GRIP1: variants seen among roughly 807,000 people sequenced by gnomAD.
The protein encoded by GRIP1 is glutamate receptor-interacting protein 1.
A neutral mutation model predicts 129.9 loss-of-function variants in GRIP1; 45 were observed. That is an observed-to-expected ratio of 0.35 (90% CI 0.27 to 0.44). The LOEUF (loss-of-function observed/expected upper bound fraction) is 0.44, where lower values mean the gene tolerates loss of function less well. GRIP1 is among the 20% of genes least tolerant of loss of function. The pLI, the probability that GRIP1 is intolerant of heterozygous loss-of-function variation, is 1.00. For missense variants in GRIP1, 1,196 were observed against 1,396.8 expected, an observed-to-expected ratio of 0.86 and a Z score of 2.29; for synonymous variants, 530 against 520.8, an observed-to-expected ratio of 1.02 and a Z score of -0.24.
intron 1 of GRIP1, among the ~76,000 whole-genome samples, chr12:66,737,922 G>C (rs145882378): frequency 3.6e-4 from 55 of 152,274 alleles, no homozygotes; most frequent in Middle Eastern, 6.8e-3. Context: ...GCACTGAAAA[G>C]AGAAAGGGCA....
chr12:66,703,717 C>A (rs2035430895), intron 1 of GRIP1, among the ~76,000 whole-genome samples: 1 of 152,078 alleles, frequency 6.6e-6, no homozygotes, highest in Non-Finnish European at 1.5e-5. Context: ...CAAGGAGAAG[C>A]AGCCAAAACA....
chr12:66,803,520 A>G (rs956833877), intron 1 of GRIP1, among the ~76,000 whole-genome samples: 5 of 152,228 alleles, frequency 3.3e-5, no homozygotes, highest in Non-Finnish European at 7.3e-5. Flanking sequence ...CTGACAGCAA[A>G]TAAGAATTAA....
chr12:66,401,607 TATACAC>T (rs1465730204), intron 16 of GRIP1, among the ~76,000 whole-genome samples: 7 of 121,342 alleles, frequency 5.8e-5, no homozygotes, highest in African/African-American at 2.5e-4. Flanking sequence ...TGTATATATA[TATACAC>T]ACACACACAC....
At chr12:67,044,375 A>C (rs1184935308) in intron 1 of GRIP1, among the ~76,000 whole-genome samples, 3 of 152,214 alleles carry the variant, frequency 2.0e-5, no homozygotes, top group African/African-American at 7.2e-5. Flanking sequence ...AGCTGCTTGG[A>C]TTTACCAGTT....
intron 1 of GRIP1, among the ~76,000 whole-genome samples, chr12:66,981,371 TC>T (rs1176576604): frequency 6.6e-6 from 1 of 152,222 alleles, no homozygotes; most frequent in Non-Finnish European, 1.5e-5. Flanking sequence ...TACATCTGTC[TC>T]CCTCAGAGCA....
intron 4 of GRIP1, among the ~76,000 whole-genome samples, chr12:66,538,313 C>T (rs2061668691): frequency 6.6e-6 from 1 of 152,032 alleles, no homozygotes; most frequent in Non-Finnish European, 1.5e-5. Context: ...AATCCTTCTG[C>T]CTCAGCCTCC....
intron 1 of GRIP1, among the ~76,000 whole-genome samples, chr12:66,714,364 T>C (rs2035802975): frequency 6.6e-6 from 1 of 152,078 alleles, no homozygotes; most frequent in Non-Finnish European, 1.5e-5. Context: ...CTATAAGAGT[T>C]AATGGAAATG....
chr12:66,407,469 G>T (rs926008573), intron 15 of GRIP1: 3 of 152,338 alleles, frequency 2.0e-5, no homozygotes, highest in Non-Finnish European at 4.4e-5. Context: ...TTGAACTGAT[G>T]ATGCCGGCCC....
intron 2 of GRIP1, among the ~76,000 whole-genome samples, chr12:66,565,651 A>T (rs1265076321): frequency 4.6e-5 from 7 of 152,124 alleles, no homozygotes; most frequent in Non-Finnish European, 7.4e-5. Context: ...TTTTTTTCCA[A>T]TTCTGTGAAG....
intron 1 of GRIP1, among the ~76,000 whole-genome samples, chr12:66,616,366 A>G (rs2065039021): frequency 6.6e-6 from 1 of 152,192 alleles, no homozygotes; most frequent in Non-Finnish European, 1.5e-5. Flanking sequence ...TTTTATAATT[A>G]TAGGCTGTTT....
chr12:66,923,422 G>C (rs1239347247), intron 1 of GRIP1, among the ~76,000 whole-genome samples: 1 of 152,186 alleles, frequency 6.6e-6, no homozygotes, highest in Non-Finnish European at 1.5e-5. Flanking sequence ...ATAGTCCAGA[G>C]CATCAACTGA....
intron 2 of GRIP1, among the ~76,000 whole-genome samples, chr12:66,588,976 CA>C (rs71278230): frequency 4.8e-4 from 65 of 135,354 alleles, no homozygotes; most frequent in African/African-American, 5.1e-4. Flanking sequence ...CCCCCTCCTA[CA>C]AAAAAAAAAA....
intron 7 of GRIP1, among the ~76,000 whole-genome samples, chr12:66,476,121 G>C (rs1038423785): frequency 5.3e-5 from 8 of 152,010 alleles, no homozygotes; most frequent in Non-Finnish European, 1.2e-4. Flanking sequence ...TAGACTGCTA[G>C]CAAGACTAAT....
At chr12:66,633,366 G>T (rs1031247655) in intron 1 of GRIP1, among the ~76,000 whole-genome samples, 1 of 150,074 alleles carries the variant, frequency 6.7e-6, no homozygotes, top group Non-Finnish European at 1.5e-5. Context: ...GCCCAGGCTG[G>T]TCTTGAACTC....
chr12:66,790,427 T>C (rs531333880), intron 1 of GRIP1, among the ~76,000 whole-genome samples: 3 of 152,186 alleles, frequency 2.0e-5, no homozygotes, highest in Non-Finnish European at 4.4e-5. Context: ...ACTTTAAAGT[T>C]GGAGATAGAT....
chr12:66,836,082 C>T (rs17102952), intron 1 of GRIP1, among the ~76,000 whole-genome samples: 2,050 of 152,170 alleles, frequency 0.013, 60 homozygotes, highest in African/African-American at 0.046. Flanking sequence ...TGTCATTCTA[C>T]GATTACTGTT....
At chr12:66,646,260 A>C (rs1555221962) in intron 1 of GRIP1, among the ~76,000 whole-genome samples, 1 of 152,226 alleles carries the variant, frequency 6.6e-6, no homozygotes, top group Non-Finnish European at 1.5e-5. Context: ...ACTTTCAAGC[A>C]ATGTTCATTG....
chr12:66,888,264 C>T (rs1240118872), intron 1 of GRIP1, among the ~76,000 whole-genome samples: 2 of 151,774 alleles, frequency 1.3e-5, no homozygotes, highest in Non-Finnish European at 1.5e-5. Flanking sequence ...TCTCAATATG[C>T]TGCCCCAGCT....
At chr12:66,979,215 C>T (rs1424305355) in intron 1 of GRIP1, among the ~76,000 whole-genome samples, 2 of 62,098 alleles carry the variant, frequency 3.2e-5, no homozygotes, top group Non-Finnish European at 6.5e-5. Context: ...CACAAAACTT[C>T]TCTTCTTAAA....
Sources: gnomAD v4.1 joint callset for allele counts (sites outside exome capture counted in the v4.1 genomes callset) on GRCh38, gnomAD v4.1.1 for gene constraint, MANE v1.5 for transcripts, NCBI Gene and HGNC (gene_info 2026-07-23, HGNC 2026-07-21) for gene names.